CFAP299: variants seen among roughly 807,000 people sequenced by gnomAD.
CFAP299 encodes cilia and flagella associated protein 299.
Under a neutral mutation model 27.0 loss-of-function variants are expected in CFAP299, and 21 were observed. The ratio of observed to expected loss-of-function variants is 0.78; its 90% confidence interval spans 0.55 to 1.12. The LOEUF is 1.12. CFAP299 is among the 50% of genes most tolerant of loss of function. The pLI, the probability that CFAP299 is intolerant of heterozygous loss-of-function variation, is 0.00. For missense variants in CFAP299, 310 were observed against 276.6 expected (o/e 1.12, Z -0.86); for synonymous variants, 104 against 98.1 (o/e 1.06, Z -0.36).
chr4:80,483,085 A>G (rs765253199), intron 2 of CFAP299, among the ~76,000 whole-genome samples: 1 of 152,212 alleles, frequency 6.6e-6, no homozygotes, highest in South Asian at 2.1e-4. Flanking sequence ...TGGATTATAC[A>G]GGTGCATTCA....
chr4:80,649,651 A>G (rs1053987518), intron 3 of CFAP299, among the ~76,000 whole-genome samples: 1 of 152,132 alleles, frequency 6.6e-6, no homozygotes, highest in Non-Finnish European at 1.5e-5. Context: ...TCTTGAAAGA[A>G]CTTGCCTAAA....
chr4:80,955,447 A>G (rs1738019092), intron 5 of CFAP299, among the ~76,000 whole-genome samples: 1 of 152,230 alleles, frequency 6.6e-6, no homozygotes, highest in African/African-American at 2.4e-5. Flanking sequence ...GTAGGTGCTC[A>G]ATGAATGAAA....
chr4:80,710,791 G>C (rs763505151), intron 3 of CFAP299, among the ~76,000 whole-genome samples: 3 of 151,806 alleles, frequency 2.0e-5, no homozygotes, highest in Non-Finnish European at 4.4e-5. Flanking sequence ...CCATCAGACC[G>C]TACACATAAT....
At chr4:80,799,633 A>T (rs1322662326) in intron 3 of CFAP299, among the ~76,000 whole-genome samples, 2 of 40,806 alleles carry the variant, frequency 4.9e-5, no homozygotes, top group African/African-American at 1.1e-4. Flanking sequence ...TAAATATATA[A>T]TATATAAAAT....
At chr4:80,566,849 A>G (rs938231274) in intron 2 of CFAP299, among the ~76,000 whole-genome samples, 4 of 152,094 alleles carry the variant, frequency 2.6e-5, no homozygotes, top group African/African-American at 9.7e-5. Context: ...ATTCAGACAC[A>G]AAGAACATCT....
At chr4:80,823,844 A>G (rs1218343820) in intron 3 of CFAP299, among the ~76,000 whole-genome samples, 1 of 152,198 alleles carries the variant, frequency 6.6e-6, no homozygotes, top group Non-Finnish European at 1.5e-5. Flanking sequence ...GCACTAATTT[A>G]TAGAATTAGT....
intron 3 of CFAP299, among the ~76,000 whole-genome samples, chr4:80,775,080 AAG>A (rs1335029491): frequency 6.6e-6 from 1 of 151,454 alleles, no homozygotes; most frequent in Non-Finnish European, 1.5e-5. Flanking sequence ...ATAAAAAAAA[AAG>A]AAAAAGAAAA....
chr4:80,461,063 G>C (rs953016129), intron 2 of CFAP299, among the ~76,000 whole-genome samples: 1 of 152,132 alleles, frequency 6.6e-6, no homozygotes, highest in African/African-American at 2.4e-5. Context: ...ATTTTCTGAT[G>C]GGCAATTGGT....
At chr4:80,814,010 T>C (rs552047667) in intron 3 of CFAP299, among the ~76,000 whole-genome samples, 3 of 152,188 alleles carry the variant, frequency 2.0e-5, no homozygotes, top group Non-Finnish European at 4.4e-5. Flanking sequence ...AGTTAACGTA[T>C]ATTATTCTAC....
intron 4 of CFAP299, among the ~76,000 whole-genome samples, chr4:80,936,543 A>G (rs986773538): frequency 1.3e-5 from 2 of 152,136 alleles, no homozygotes; most frequent in East Asian, 1.9e-4. Flanking sequence ...GGAACAGAAA[A>G]CCAAGTAACA....
intron 2 of CFAP299, among the ~76,000 whole-genome samples, chr4:80,392,568 T>G (rs1246478898): frequency 6.6e-6 from 1 of 152,154 alleles, no homozygotes; most frequent in African/African-American, 2.4e-5. Context: ...CTGCCTTCAC[T>G]TGACACTTCT....
At chr4:80,657,789 G>A (rs1391970414) in intron 3 of CFAP299, among the ~76,000 whole-genome samples, 1 of 152,006 alleles carries the variant, frequency 6.6e-6, no homozygotes, top group Non-Finnish European at 1.5e-5. Context: ...GCTTGATGGG[G>A]ATATCATTGA....
At chr4:80,707,253 C>T (rs1448021806) in intron 3 of CFAP299, among the ~76,000 whole-genome samples, 6 of 151,728 alleles carry the variant, frequency 4.0e-5, no homozygotes, top group African/African-American at 9.7e-5. Context: ...CTATTTTTGT[C>T]GGGCCCATGA....
the CFAP299 span, among the ~76,000 whole-genome samples, chr4:80,326,269 A>T: frequency 6.6e-6 from 1 of 152,034 alleles, no homozygotes; most frequent in African/African-American, 2.4e-5. Context: ...GTGTGTGTGT[A>T]TGTCTGTATC....
intron 3 of CFAP299, among the ~76,000 whole-genome samples, chr4:80,614,861 A>AAC (rs1738193061): frequency 6.6e-6 from 1 of 152,190 alleles, no homozygotes; most frequent in Non-Finnish European, 1.5e-5. Context: ...AGCAGAGAAA[A>AAC]ACACAATTTT....
intron 2 of CFAP299, among the ~76,000 whole-genome samples, chr4:80,426,160 T>C (rs1452668218): frequency 6.6e-6 from 1 of 151,858 alleles, no homozygotes; most frequent in Non-Finnish European, 1.5e-5. Flanking sequence ...TAAAAGACAG[T>C]CTGACATTTA....
intron 3 of CFAP299, among the ~76,000 whole-genome samples, chr4:80,783,423 T>C (rs1158712376): frequency 6.6e-6 from 1 of 152,160 alleles, no homozygotes; most frequent in East Asian, 1.9e-4. Context: ...AAATTAAGGC[T>C]TAGAATATTT....
intron 2 of CFAP299, among the ~76,000 whole-genome samples, chr4:80,550,767 ACACACACACACACACACG>A (rs1734469873): frequency 6.7e-6 from 1 of 150,046 alleles, no homozygotes; most frequent in African/African-American, 2.4e-5. Context: ...CAAAACACAC[ACACACACACACACACACG>A]CACACACACA....
intron 2 of CFAP299, among the ~76,000 whole-genome samples, chr4:80,518,802 C>A (rs1732724720): frequency 6.6e-6 from 1 of 152,078 alleles, no homozygotes; most frequent in African/African-American, 2.4e-5. Flanking sequence ...TTAGAATTAG[C>A]AATTATGGCT....
Sources: allele counts gnomAD v4.1 joint callset (sites outside exome capture counted in the v4.1 genomes callset), GRCh38; gene constraint gnomAD v4.1.1; transcripts MANE v1.5; gene names NCBI Gene and HGNC (gene_info 2026-07-23, HGNC 2026-07-21).